The following TUBGCP2 variants were observed in gnomAD, a reference collection of about 807,000 sequenced individuals.
TUBGCP2 encodes the protein gamma-tubulin complex component 2.
In TUBGCP2, 55 loss-of-function variants were observed where a neutral mutation model predicts 92.2. The ratio of observed to expected loss-of-function variants is 0.60; its 90% confidence interval spans 0.48 to 0.75. The LOEUF is 0.75. Ranked by LOEUF, TUBGCP2 falls within the 30% of genes least tolerant of loss-of-function variation. The probability of loss-of-function intolerance (pLI) is 0.00; values close to 1 mark genes in which losing one functional copy is unlikely to be tolerated. For synonymous variants in TUBGCP2, 533 were observed against 505.2 expected (o/e 1.06, Z -0.74); for missense variants, 1,093 against 1,188.9 (o/e 0.92, Z 1.19).
intron 1 of TUBGCP2, among the ~76,000 whole-genome samples, chr10:133,303,993 C>T (rs1847746180): frequency 6.6e-6 from 1 of 152,224 alleles, no homozygotes; most frequent in South Asian, 2.1e-4. Context: ...CCACCAGTGG[C>T]TGCTCATTAG....
At chr10:133,306,223 T>C (rs1847814965) in intron 1 of TUBGCP2, among the ~76,000 whole-genome samples, 1 of 152,206 alleles carries the variant, frequency 6.6e-6, no homozygotes, top group African/African-American at 2.4e-5. Context: ...ATGGGAGCCC[T>C]GGACGAGGCC....
chr10:133,300,815 C>A (rs1847627318), intron 2 of TUBGCP2, among the ~76,000 whole-genome samples: 1 of 152,172 alleles, frequency 6.6e-6, no homozygotes, highest in Non-Finnish European at 1.5e-5. Context: ...TAGCGACTTA[C>A]ACTTCCCCCC....
upstream of TUBGCP2, chr10:133,312,091 T>C (rs1410769493): frequency 2.8e-6 from 4 of 1,452,106 alleles, no homozygotes; most frequent in Non-Finnish European, 3.6e-6. Flanking sequence ...TTTTCCTCAT[T>C]GTCTGAGTGG....
chr10:133,298,050 T>A lies in TUBGCP2; in HGVS notation c.518A>T (p.His173Leu). 6.2e-7 allele frequency: 1 copy of A among 1,613,960 alleles called. No individual in the cohort carries two copies. The highest frequency in any genetic ancestry group is 8.5e-7 in the Non-Finnish European group (1 of 1,180,000). Residue 173 changes from histidine (H) to leucine (L), a missense_variant, in exon 5 of 18, where the codon CAC becomes CTC. Physicochemically the swap from His to Leu is moderately conservative, Grantham distance 99 (BLOSUM62 -3). Coordinates refer to ENST00000252936, the MANE Select transcript of TUBGCP2 (RefSeq NM_006659.4). Reference protein sequence around the residue: ...DKQNKKNSGQHLPIFPAWVYE... With the variant: ...DKQNKKNSGQLLPIFPAWVYE... The stretch of plus-strand genomic sequence containing the variant: ...CACCCATGCTGGGAAGATGGGGAGG[T>A]GCTGGCCTGAATTTTTTTTGTTCTG...
In TUBGCP2 at chr10:133,297,829, T is replaced by C; in HGVS notation, c.616+123A>G. ...AGGAAAGGCAGGCCCGGGGGAGGGCTGGGCCTGCAAAGTGTCCTGCCCAGA... is the reference window on the plus strand; with the variant it reads ...AGGAAAGGCAGGCCCGGGGGAGGGCCGGGCCTGCAAAGTGTCCTGCCCAGA... On this transcript the variant is annotated intron_variant, in intron 5 of 17. Coordinates refer to ENST00000252936, the MANE Select transcript of TUBGCP2 (RefSeq NM_006659.4). 2.1e-6 allele frequency: 3 copies of C among 1,428,158 alleles called. No individual in the cohort carries two copies. The South Asian group carries it at 4.1e-5, about 20-fold the overall frequency. The allele number at this position is 1,428,158 out of a possible 1,614,324, so 88.5% of individuals were successfully genotyped here. A position where few individuals can be genotyped will look rare whatever the true frequency, so the allele number is the denominator to read the frequency against.
chr10:133,294,048 G>A (rs555580023), intron 5 of TUBGCP2, among the ~76,000 whole-genome samples: 2 of 152,348 alleles, frequency 1.3e-5, no homozygotes, highest in African/African-American at 4.8e-5. Context: ...ATTTGAAAAG[G>A]TGAAGTTAGG....
At chr10:133,280,602 C>T (rs1431372774) in intron 17 of TUBGCP2, among the ~76,000 whole-genome samples, 1 of 152,216 alleles carries the variant, frequency 6.6e-6, no homozygotes, top group African/African-American at 2.4e-5. Context: ...CCCAGTTGCA[C>T]AGAATGTCAC....
intron 11 of TUBGCP2, among the ~76,000 whole-genome samples, chr10:133,286,158 G>A (rs1395088548): frequency 6.6e-6 from 1 of 151,924 alleles, no homozygotes; most frequent in African/African-American, 2.4e-5. Flanking sequence ...AACAAGCAGC[G>A]GACAGACGAA....
At chr10:133,293,476 T>C (rs1847412921) in intron 6 of TUBGCP2, 86 bp downstream of exon 6, 1 of 1,451,946 alleles carries the variant, frequency 6.9e-7, no homozygotes, top group Admixed American at 2.0e-5. Flanking sequence ...TTAGAAGCGA[T>C]GCAGACGTCC....
Position 133,293,181 on chromosome 10 carries a change from G to A in TUBGCP2, c.882C>T (p.Ala294=), listed in dbSNP as rs145624268. ...GCTCCTTCACCAGGGTGCGCATGGC[G>A]GCCGCCAGGGCGTGGTTCACCTGCC... ...EYGQVNHALA[A]AMRTLVKEHL... is the part of the protein sequence containing the mutation. The change falls in exon 7 of 18, where the codon GCC becomes GCT. Residue 294 remains alanine (A), a synonymous_variant. Coordinates refer to ENST00000252936, the MANE Select transcript of TUBGCP2 (RefSeq NM_006659.4). The A allele has an allele frequency of 1.7e-4, 279 of 1,613,754 alleles. No individual in the cohort carries two copies. The highest frequency in any genetic ancestry group is 4.5e-4 in the South Asian group (41 of 91,094).
chr10:133,282,422 AC>A (rs1716888160), intron 15 of TUBGCP2, 80 bp from the exon 16 acceptor site: 1 of 1,498,324 alleles, frequency 6.7e-7, no homozygotes, highest in South Asian at 1.3e-5. Flanking sequence ...TCCTGCAGGC[AC>A]GTCACCCTCC....
intron 14 of TUBGCP2, among the ~76,000 whole-genome samples, 198 bp downstream of exon 14, chr10:133,283,683 CT>C: frequency 1.6e-4 from 1 of 6,086 alleles, no homozygotes; most frequent in Non-Finnish European, 3.7e-4. Flanking sequence ...CTCCCTGCCT[CT>C]CCCGCATTCC....
intron 9 of TUBGCP2, among the ~76,000 whole-genome samples, chr10:133,289,474 G>T (rs562466211): frequency 6.6e-6 from 1 of 152,144 alleles, no homozygotes; most frequent in Non-Finnish European, 1.5e-5. Context: ...AAACACTGCC[G>T]GCCGCCAGGC....
chr10:133,301,025 G>A (rs555688960), intron 2 of TUBGCP2, among the ~76,000 whole-genome samples: 4 of 152,124 alleles, frequency 2.6e-5, no homozygotes, highest in African/African-American at 9.7e-5. Context: ...TAGTTTATGC[G>A]TTCATTGTCT....
At chr10:133,311,631 GTTTC>G, upstream of TUBGCP2, 1 of 1,202,554 alleles carries the variant, frequency 8.3e-7, no homozygotes, top group Non-Finnish European at 1.2e-6. Flanking sequence ...GGGAAATCCA[GTTTC>G]TTTCTTGCAT....
chr10:133,297,815 G>A (rs540810677), intron 5 of TUBGCP2, 137 bp downstream of exon 5: 1 of 1,326,202 alleles, frequency 7.5e-7, no homozygotes, highest in South Asian at 1.5e-5. Flanking sequence ...GGAAAGGCAG[G>A]CCCGGGGGAG....
At chr10:133,309,391 A>C (rs769944549), upstream of TUBGCP2, 1 of 1,611,280 alleles carries the variant, frequency 6.2e-7, no homozygotes, top group East Asian at 2.2e-5. Flanking sequence ...TTCCTGCAGG[A>C]TGGGGACGTG....
upstream of TUBGCP2, chr10:133,309,929 G>A: frequency 6.2e-7 from 1 of 1,613,546 alleles, no homozygotes; most frequent in Non-Finnish European, 8.5e-7. Flanking sequence ...CCCACATCCT[G>A]GAGTGGCACG....
intron 3 of TUBGCP2, 110 bp from the exon 4 acceptor site, chr10:133,299,713 A>T: frequency 9.9e-7 from 1 of 1,006,294 alleles, no homozygotes; most frequent in Non-Finnish European, 1.5e-6. Flanking sequence ...ACAGGCACCC[A>T]TTAATAGCAA....
Sources: gnomAD v4.1 joint callset for allele counts (sites outside exome capture counted in the v4.1 genomes callset) on GRCh38, gnomAD v4.1.1 for gene constraint, MANE v1.5 for transcripts, NCBI Gene and HGNC (gene_info 2026-07-23, HGNC 2026-07-21) for gene names.